The following ATF2 variants were observed in gnomAD, a reference collection of about 807,000 sequenced individuals.
ATF2 encodes the protein activating transcription factor 2.
A neutral mutation model predicts 60.6 loss-of-function variants in ATF2; 24 were observed. The observed-to-expected ratio is 0.40, with a 90% CI of 0.29 to 0.56. The LOEUF (loss-of-function observed/expected upper bound fraction) is 0.56. Ranked by LOEUF, ATF2 falls within the 20% of genes least tolerant of loss-of-function variation. The pLI, the probability that ATF2 is intolerant of heterozygous loss-of-function variation, is 0.54. For synonymous variants in ATF2, 206 were observed against 215.4 expected (o/e 0.96, Z 0.38); for missense variants, 433 against 607.7 (o/e 0.71, Z 3.02).
intron 12 of ATF2, among the ~76,000 whole-genome samples, chr2:175,090,734 C>T (rs1015926533): frequency 6.6e-6 from 1 of 152,036 alleles, no homozygotes; most frequent in Non-Finnish European, 1.5e-5. Context: ...ATTTAATAGT[C>T]TCATGCTTCA....
intron 10 of ATF2, among the ~76,000 whole-genome samples, chr2:175,109,989 G>A (rs1045507435): frequency 3.3e-5 from 5 of 152,330 alleles, no homozygotes; most frequent in South Asian, 2.1e-4. Context: ...TGCTAAAACA[G>A]GGTGTCCTGT....
chr2:175,138,043 T>C (rs1228423375), intron 2 of ATF2, among the ~76,000 whole-genome samples: 4 of 152,186 alleles, frequency 2.6e-5, no homozygotes, highest in Admixed American at 2.0e-4. Context: ...TGCTGAGCTA[T>C]AGATTGTTGG....
chr2:175,157,455 C>T (rs1699756249), intron 1 of ATF2, among the ~76,000 whole-genome samples: 2 of 152,192 alleles, frequency 1.3e-5, no homozygotes, highest in Admixed American at 1.3e-4. Flanking sequence ...ACATTGGAAA[C>T]TGAGGCCATC....
At chr2:175,095,050 C>T (rs1056769114) in intron 11 of ATF2, among the ~76,000 whole-genome samples, 4 of 151,608 alleles carry the variant, frequency 2.6e-5, no homozygotes, top group Non-Finnish European at 4.4e-5. Context: ...CTATGGCTGG[C>T]TTCAAGATTT....
At chr2:175,089,497 A>C (rs1484467845) in intron 12 of ATF2, among the ~76,000 whole-genome samples, 1 of 152,188 alleles carries the variant, frequency 6.6e-6, no homozygotes, top group Non-Finnish European at 1.5e-5. Context: ...AAGGATCATC[A>C]AGGAAATACA....
chr2:175,110,617 A>G (rs1260166680), intron 10 of ATF2, among the ~76,000 whole-genome samples: 3 of 151,894 alleles, frequency 2.0e-5, no homozygotes, highest in Non-Finnish European at 4.4e-5. Context: ...ATTTTATTTT[A>G]TTTTTGAGAT....
intron 13 of ATF2, among the ~76,000 whole-genome samples, chr2:175,075,375 T>C (rs1300308740): frequency 4.6e-5 from 7 of 152,162 alleles, no homozygotes; most frequent in Non-Finnish European, 1.0e-4. Context: ...TAATGATGCA[T>C]ACATAGGAGA....
Position 175,142,716 on chromosome 2 carries a change from A to AGTGTGTGT in ATF2, c.-43-6231_-43-6230insACACACAC, listed in dbSNP as rs1451684943. Among the ~76,000 whole-genome samples the AGTGTGTGT allele has an allele frequency of 7.7e-4, 93 of 120,812 alleles. 1 individual carries two copies. In the East Asian group the frequency reaches 0.017, roughly 22 times the overall value. The allele number at this position is 120,812 out of a possible 152,430, so 79.3% of individuals were successfully genotyped here. ...GAGAGAGAGAGAGAGAGAGAGAGAG[A>AGTGTGTGT]GAGAGTGTGTGTGTGTGTGTGTGTG... On this transcript the variant is annotated intron_variant, in intron 2 of 13. Transcript: ENST00000264110.
chr2:175,082,292 G>A (rs1693815340), intron 12 of ATF2, among the ~76,000 whole-genome samples: 1 of 152,142 alleles, frequency 6.6e-6, no homozygotes, highest in Non-Finnish European at 1.5e-5. Flanking sequence ...TTAGAATATT[G>A]TATTTGAGGC....
chr2:175,092,246 A>G (rs1414942617), intron 12 of ATF2, among the ~76,000 whole-genome samples: 1 of 152,238 alleles, frequency 6.6e-6, no homozygotes, highest in East Asian at 1.9e-4. Flanking sequence ...TTATGATTAT[A>G]CAGAAAGATT....
intron 3 of ATF2, among the ~76,000 whole-genome samples, chr2:175,134,555 A>C (rs1443161200): frequency 3.3e-5 from 5 of 151,898 alleles, no homozygotes; most frequent in Non-Finnish European, 5.9e-5. Flanking sequence ...AAAAAAAAAA[A>C]AGAAAGAAAG....
intron 13 of ATF2, among the ~76,000 whole-genome samples, chr2:175,079,717 C>T (rs1693635177): frequency 6.6e-6 from 1 of 152,086 alleles, no homozygotes; most frequent in African/African-American, 2.4e-5. Context: ...ATCGTGAGCA[C>T]CTGAGGAACT....
intron 2 of ATF2, among the ~76,000 whole-genome samples, chr2:175,138,832 A>T (rs933445047): frequency 2.0e-5 from 3 of 152,190 alleles, no homozygotes; most frequent in Non-Finnish European, 2.9e-5. Context: ...TCTATTATAT[A>T]ATCTGTGTGC....
chr2:175,146,764 C>T (rs1400024062), intron 2 of ATF2, among the ~76,000 whole-genome samples: 1 of 152,094 alleles, frequency 6.6e-6, no homozygotes, highest in African/African-American at 2.4e-5. Flanking sequence ...CAAGCACATC[C>T]AGGCTATATA....
At position 175,111,557 on chromosome 2, in the gene ATF2, A is replaced by G. The variant is rs1559077022; in HGVS notation, c.828+11T>C. On this transcript the variant is annotated intron_variant, in intron 10 of 13. Transcript: ENST00000264110. ...TCAAGCAATGTACAGAACAAATAAA[A>G]TCTGGCTTACCATTTTTGCTTCTGA... The G allele has an allele frequency of 6.2e-7, 1 of 1,605,146 alleles. No homozygotes were observed. The highest frequency in any genetic ancestry group is 8.5e-7 in the Non-Finnish European group (1 of 1,172,334).
At chr2:175,075,838 A>C (rs1211668508) in intron 13 of ATF2, among the ~76,000 whole-genome samples, 1 of 152,208 alleles carries the variant, frequency 6.6e-6, no homozygotes, top group Non-Finnish European at 1.5e-5. Context: ...TGTATCCCTA[A>C]ACAATATAGT....
chr2:175,116,753 C>G (rs1696599445), intron 7 of ATF2, among the ~76,000 whole-genome samples: 1 of 151,524 alleles, frequency 6.6e-6, no homozygotes, highest in African/African-American at 2.4e-5. Context: ...GCTGAAGCAG[C>G]CACGAACAAT....
intron 3 of ATF2, among the ~76,000 whole-genome samples, chr2:175,133,854 T>C (rs1242623884): frequency 6.6e-6 from 1 of 152,168 alleles, no homozygotes; most frequent in Non-Finnish European, 1.5e-5. Flanking sequence ...CTCTACATAG[T>C]GCATTTTATT....
intron 12 of ATF2, among the ~76,000 whole-genome samples, chr2:175,087,838 T>G (rs540875685): frequency 1.1e-4 from 17 of 152,302 alleles, no homozygotes; most frequent in Non-Finnish European, 2.4e-4. Context: ...TCACTAGAGC[T>G]ACAAAATATT....
Sources: allele counts gnomAD v4.1 joint callset (sites outside exome capture counted in the v4.1 genomes callset), GRCh38; gene constraint gnomAD v4.1.1; transcripts MANE v1.5; gene names NCBI Gene and HGNC (gene_info 2026-07-23, HGNC 2026-07-21).